The following SLC4A7 variants were observed in gnomAD, a reference collection of about 807,000 sequenced individuals.
SLC4A7 encodes the protein solute carrier family 4 member 7, also known as sodium bicarbonate cotransporter 3.
Under a neutral mutation model 137.6 loss-of-function variants are expected in SLC4A7, and 51 were observed. The observed-to-expected ratio is 0.37, with a 90% CI of 0.30 to 0.47. The LOEUF (loss-of-function observed/expected upper bound fraction) is 0.47. SLC4A7 is among the 20% of genes least tolerant of loss of function. The pLI, the probability that SLC4A7 is intolerant of heterozygous loss-of-function variation, is 1.00. For missense variants in SLC4A7, 1,247 were observed against 1,525.4 expected, an observed-to-expected ratio of 0.82 and a Z score of 3.04; for synonymous variants, 542 against 518.6, an observed-to-expected ratio of 1.05 and a Z score of -0.61.
chr3:27,415,750 CT>C (rs1471797996), intron 11 of SLC4A7, among the ~76,000 whole-genome samples: 1 of 152,218 alleles, frequency 6.6e-6, no homozygotes, highest in Non-Finnish European at 1.5e-5. Context: ...CGTAAAATGA[CT>C]GCTTTTTCTT....
At chr3:27,434,629 G>A (rs1443388430) in intron 5 of SLC4A7, among the ~76,000 whole-genome samples, 5 of 152,080 alleles carry the variant, frequency 3.3e-5, no homozygotes, top group African/African-American at 9.7e-5. Flanking sequence ...CAGATAAAAC[G>A]TCATGAGGTC....
intron 24 of SLC4A7, among the ~76,000 whole-genome samples, chr3:27,380,967 GA>G (rs1018775585): frequency 7.2e-5 from 11 of 152,110 alleles, no homozygotes; most frequent in African/African-American, 1.7e-4. Context: ...AATTAGATAG[GA>G]AAAAATTTGC....
chr3:27,385,800 G>A, intron 23 of SLC4A7, 92 bp downstream of exon 23: 1 of 830,404 alleles, frequency 1.2e-6, no homozygotes, highest in South Asian at 2.0e-5. Context: ...GAAAGGAACT[G>A]ATTCATGTAA....
chr3:27,448,834 A>C (rs780401547), intron 2 of SLC4A7, 37 bp from the exon 3 acceptor site: 9 of 1,487,072 alleles, frequency 6.1e-6, no homozygotes, highest in Non-Finnish European at 8.2e-6. Context: ...CTAGCTTTCC[A>C]AAAGAGAAAA....
rs2058633773 is a variant in SLC4A7 at position 27,460,364 on chromosome 3, A to T, written c.61-7866T>A. Among the ~76,000 whole-genome samples the T allele has an allele frequency of 1.3e-5, 2 of 152,116 alleles. 1 individual carries two copies. Among genetic ancestry groups the T allele is most frequent in the South Asian group, 4.1e-4 (2 of 4,822 alleles). Reference sequence around the variant, plus strand: ...ATTTTTTTGTATCAAGGTGCATAACATTTACATTCCATTCAATATTTATAA... The same window carrying T: ...ATTTTTTTGTATCAAGGTGCATAACTTTTACATTCCATTCAATATTTATAA... On this transcript the variant is annotated intron_variant, in intron 1 of 25. Coordinates refer to ENST00000454389, the MANE Select transcript of SLC4A7 (RefSeq NM_001321103.2).
chr3:27,452,461 G>A lies in SLC4A7; in HGVS notation c.98C>T (p.Thr33Ile), dbSNP rs755886354. 8 of 1,604,796 alleles carry A rather than the reference G, an allele frequency of 5.0e-6. No homozygotes were observed. The South Asian group carries it at 9.0e-5, about 18-fold the overall frequency. ...DEEAVVDLGK[T>I]SSTVNTKFEK... is the part of the protein sequence containing the mutation. ...AAACTTGGTGTTCACAGTTGAGCTA[G>A]TTTTGCCAAGATCCACAACAGCTTC... is the stretch of plus-strand genomic sequence containing the variant. The change falls in exon 2 of 26, where the codon ACT (threonine) becomes ATT (isoleucine). Residue 33 changes from threonine to isoleucine, a missense_variant. This residue lies in a region of SLC4A7 where 176 missense variants were observed against 186.4 expected (regional missense o/e 0.94). Coordinates refer to ENST00000454389, the MANE Select transcript of SLC4A7 (RefSeq NM_001321103.2).
At chr3:27,429,003 C>A (rs2055959897) in intron 7 of SLC4A7, among the ~76,000 whole-genome samples, 1 of 152,122 alleles carries the variant, frequency 6.6e-6, no homozygotes, top group African/African-American at 2.4e-5. Flanking sequence ...CATGGTGGCT[C>A]ACACCTGTAA....
Position 27,391,728 on chromosome 3 carries a change from C to A in SLC4A7, c.3186+12G>T. On this transcript the variant is annotated intron_variant, in intron 21 of 25. Transcript: ENST00000454389. ...AGTTTCTATAGAAAATCATTAAATA[C>A]TTAAAACTTGCCTGGATTCCTTTTA... 2 of 1,471,148 alleles carry A rather than the reference C, an allele frequency of 1.4e-6. No individual in the cohort carries two copies. The highest frequency in any genetic ancestry group is 2.8e-5 in the African/African-American group (2 of 71,464). 91.1% of individuals were successfully genotyped at this position (1,471,148 alleles called of 1,614,324 possible).
In SLC4A7 at chr3:27,459,433, A is replaced by G. The variant is rs542794256; in HGVS notation, c.61-6935T>C. On this transcript the variant is annotated intron_variant, in intron 1 of 25. Transcript: ENST00000454389. ...ATAAAATAAAAATATAAAGTAACTC[A>G]ACAAATAAACTTTAACCAATAGGCT... Among the ~76,000 whole-genome samples the G allele has an allele frequency of 1.6e-4, 25 of 152,324 alleles. No homozygotes were observed. In the East Asian group the frequency reaches 4.8e-3, roughly 29 times the overall value.
chr3:27,447,500 G>T (rs1036961313), intron 3 of SLC4A7, among the ~76,000 whole-genome samples: 2 of 152,062 alleles, frequency 1.3e-5, no homozygotes, highest in Non-Finnish European at 1.5e-5. Flanking sequence ...CCGCCTATAG[G>T]ATGTGGCTCA....
At chr3:27,456,024 GTTAT>G (rs540289894) in intron 1 of SLC4A7, among the ~76,000 whole-genome samples, 195 of 152,156 alleles carry the variant, frequency 1.3e-3, no homozygotes, top group Non-Finnish European at 2.0e-3. Flanking sequence ...TCCTCTCATA[GTTAT>G]TTATCTTGCC....
At chr3:27,429,437 T>C (rs188389746) in intron 7 of SLC4A7, among the ~76,000 whole-genome samples, 1 of 152,068 alleles carries the variant, frequency 6.6e-6, no homozygotes, top group East Asian at 1.9e-4. Context: ...ACAACTAAAA[T>C]CTATTCCAAA....
intron 1 of SLC4A7, among the ~76,000 whole-genome samples, chr3:27,467,079 G>C (rs73822316): frequency 0.032 from 4,821 of 152,204 alleles, 260 homozygotes; most frequent in African/African-American, 0.11. Flanking sequence ...AGAAACTTGA[G>C]GCTCAGAAAA....
intron 1 of SLC4A7, among the ~76,000 whole-genome samples, chr3:27,473,876 CA>C (rs1214395514): frequency 6.6e-6 from 1 of 151,822 alleles, no homozygotes; most frequent in Non-Finnish European, 1.5e-5. Context: ...GTACCCAAAA[CA>C]AAATTTAGAA....
chr3:27,431,476 G>T lies in SLC4A7; in HGVS notation c.972C>A (p.Ser324Arg), dbSNP rs761665133. The stretch of plus-strand genomic sequence containing the variant: ...AACTTCTGGAGGTCAGGCGGCTGAT[G>T]CTAGGGCTAGAAGGAGGACTGTTTT... ...TPQNSPPSSP[S>R]ISRLTSRSSQ... The change falls in exon 7 of 26, where the codon AGC becomes AGA. Residue 324 changes from serine to arginine, a missense_variant. Physicochemically the swap from Ser to Arg is moderately radical, Grantham distance 110. Transcript: ENST00000454389. 1.3e-5 allele frequency: 21 copies of T among 1,614,036 alleles called. No individual in the cohort carries two copies. Among genetic ancestry groups the T allele is most frequent in the Non-Finnish European group, 1.8e-5 (21 of 1,179,994 alleles).
At chr3:27,441,744 T>G (rs1010610523) in intron 3 of SLC4A7, among the ~76,000 whole-genome samples, 5 of 152,188 alleles carry the variant, frequency 3.3e-5, no homozygotes, top group Non-Finnish European at 7.3e-5. Context: ...TGCCTCAGTC[T>G]CCCAGTGTTG....
At position 27,454,083 on chromosome 3, in the gene SLC4A7, G is replaced by A. The variant is rs1421777490; in HGVS notation, c.61-1585C>T. 5.3e-5 allele frequency among the ~76,000 whole-genome samples: 8 copies of A among 152,102 alleles called. No homozygotes were observed. In the South Asian group the frequency reaches 1.0e-3, roughly 20 times the overall value. ...CCCAGTACTTTGGGAGGCTGAGATG[G>A]GAGTATCACTTAAGCTAGGAGTTTG... On this transcript the variant is annotated intron_variant, in intron 1 of 25. Transcript: ENST00000454389.
In SLC4A7 at chr3:27,403,334, G is replaced by A. The variant is rs2052978261; in HGVS notation, c.2126C>T (p.Thr709Ile). ...LSLRTSIGLW[T>I]SFLCIVLVAT... ...AACCAAAACAATGCACAAAAAAGAA[G>A]TCCACAGACCAATACTGGTTCTTAA... is the stretch of plus-strand genomic sequence containing the variant. Residue 709 changes from threonine (T) to isoleucine (I), a missense_variant, in exon 15 of 26, where the codon ACT (threonine) becomes ATT (isoleucine). Physicochemically the swap from Thr to Ile is moderately conservative, Grantham distance 89 (BLOSUM62 -1). Around this residue, in one of 6 missense-constraint regions of SLC4A7, gnomAD observed 499 missense variants for 664.2 expected, o/e 0.75. Coordinates refer to ENST00000454389, the MANE Select transcript of SLC4A7 (RefSeq NM_001321103.2). The A allele has an allele frequency of 1.2e-6, 2 of 1,612,072 alleles. No homozygotes were observed. The highest frequency in any genetic ancestry group is 1.1e-5 in the South Asian group (1 of 90,978).
intron 1 of SLC4A7, among the ~76,000 whole-genome samples, chr3:27,461,814 T>A (rs1291560832): frequency 2.7e-5 from 4 of 150,130 alleles, no homozygotes; most frequent in Non-Finnish European, 5.9e-5. Flanking sequence ...AAAAAAAAAT[T>A]AGCCGGGCAC....
Sources: allele counts gnomAD v4.1 joint callset (sites outside exome capture counted in the v4.1 genomes callset), GRCh38; gene constraint gnomAD v4.1.1; regional missense constraint gnomAD v4.1.1; transcripts MANE v1.5; gene names NCBI Gene and HGNC (gene_info 2026-07-23, HGNC 2026-07-21).